Variants in NAALADL2 observed in about 807,000 individuals in gnomAD.
The protein encoded by NAALADL2 is inactive N-acetylated-alpha-linked acidic dipeptidase-like protein 2.
NAALADL2 carries 76 observed loss-of-function variants against 87.2 expected under a neutral mutation model. The ratio of observed to expected loss-of-function variants is 0.87; its 90% CI spans 0.72 to 1.05. The LOEUF (loss-of-function observed/expected upper bound fraction) is 1.05. Ranked by LOEUF, NAALADL2 falls within the 50% of genes least tolerant of loss-of-function variation. The pLI is 0.00. For synonymous variants in NAALADL2, 354 were observed against 331.0 expected, an observed-to-expected ratio of 1.07 and a Z score of -0.75; for missense variants, 1,089 against 945.8, an observed-to-expected ratio of 1.15 and a Z score of -1.99.
intron 3 of NAALADL2, chr3:175,235,521 T>C (rs1745681995): frequency 6.6e-6 from 1 of 152,178 alleles, no homozygotes; most frequent in Non-Finnish European, 1.5e-5. Flanking sequence ...TGTATATTAA[T>C]AAAAATAGAG....
intron 1 of NAALADL2, among the ~76,000 whole-genome samples, chr3:174,964,691 T>C (rs1280705485): frequency 2.6e-5 from 4 of 152,016 alleles, no homozygotes. Context: ...AATTAACTAC[T>C]GGGTTTTACA....
intron 6 of NAALADL2, among the ~76,000 whole-genome samples, chr3:175,454,958 T>C (rs2149246303): frequency 1.3e-5 from 2 of 152,212 alleles, no homozygotes; most frequent in South Asian, 4.1e-4. Context: ...GCACATGGTG[T>C]GGACAGGTAG....
intron 1 of NAALADL2, among the ~76,000 whole-genome samples, chr3:174,910,337 T>A (rs1733539131): frequency 6.6e-6 from 1 of 152,086 alleles, no homozygotes; most frequent in East Asian, 1.9e-4. Context: ...TTAAAATAAC[T>A]GCATCACTTT....
chr3:175,666,498 T>C (rs141463039), intron 11 of NAALADL2, among the ~76,000 whole-genome samples: 2,365 of 152,320 alleles, frequency 0.016, 54 homozygotes, highest in Admixed American at 0.046. Context: ...ATACATGTTT[T>C]ATTTAAAAGT....
chr3:175,558,173 C>G (rs78173160), intron 9 of NAALADL2, among the ~76,000 whole-genome samples: 19,170 of 113,912 alleles, frequency 0.17, 1,384 homozygotes, highest in Middle Eastern at 0.31. Flanking sequence ...CCAACCTGGG[C>G]AACACAGCAA....
chr3:174,899,287 A>G (rs1213649113), intron 1 of NAALADL2, among the ~76,000 whole-genome samples: 1 of 152,198 alleles, frequency 6.6e-6, no homozygotes. Flanking sequence ...AAGAGAAAGG[A>G]TAAGAGATAA....
intron 5 of NAALADL2, among the ~76,000 whole-genome samples, chr3:175,435,246 T>A (rs911935023): frequency 6.6e-6 from 1 of 152,014 alleles, no homozygotes; most frequent in Admixed American, 6.6e-5. Flanking sequence ...AAAATGTCTT[T>A]AAAGAACACG....
At chr3:174,634,973 T>C (rs1333324779) in intron 2 of NAALADL2, among the ~76,000 whole-genome samples, 2 of 152,224 alleles carry the variant, frequency 1.3e-5, no homozygotes, top group Non-Finnish European at 2.9e-5. Context: ...TAAACAGATG[T>C]ACTGTTTTGG....
intron 9 of NAALADL2, among the ~76,000 whole-genome samples, chr3:175,552,809 A>G (rs1714640157): frequency 1.3e-5 from 2 of 152,132 alleles, no homozygotes; most frequent in South Asian, 4.1e-4. Context: ...GTATATACCT[A>G]TGATATGCCA....
intron 1 of NAALADL2, among the ~76,000 whole-genome samples, chr3:174,882,901 GTGTATATATATGTTTGTATATATA>G (rs1267095890): frequency 6.7e-6 from 1 of 149,882 alleles, no homozygotes; most frequent in Admixed American, 6.7e-5. Context: ...GTATATATAT[GTGTATATATATGTTTGTATATATA>G]TGTATATATA....
intron 6 of NAALADL2, among the ~76,000 whole-genome samples, chr3:175,457,412 A>G (rs955589188): frequency 6.6e-6 from 1 of 152,100 alleles, no homozygotes; most frequent in African/African-American, 2.4e-5. Context: ...AGCATTTGAA[A>G]TCATGTAGCA....
intron 1 of NAALADL2, among the ~76,000 whole-genome samples, chr3:174,950,478 A>G (rs78464400): frequency 1.4e-4 from 21 of 152,262 alleles, no homozygotes; most frequent in Admixed American, 6.5e-4. Context: ...ATTTTGTGTC[A>G]TAGCCAAAAA....
At chr3:175,476,728 A>G (rs1725751379) in intron 9 of NAALADL2, among the ~76,000 whole-genome samples, 1 of 152,090 alleles carries the variant, frequency 6.6e-6, no homozygotes, top group Non-Finnish European at 1.5e-5. Flanking sequence ...AGGTACTTAC[A>G]CAGTTACTTC....
At chr3:175,419,906 T>C (rs1011943731) in intron 5 of NAALADL2, among the ~76,000 whole-genome samples, 9 of 151,994 alleles carry the variant, frequency 5.9e-5, no homozygotes, top group Admixed American at 5.9e-4. Context: ...CAAGCAGTTA[T>C]AGTAGAAGGT....
intron 5 of NAALADL2, among the ~76,000 whole-genome samples, chr3:175,378,015 A>T (rs1247194919): frequency 6.6e-6 from 1 of 151,058 alleles, no homozygotes; most frequent in Non-Finnish European, 1.5e-5. Flanking sequence ...AGAGCTTGGG[A>T]TCCATGAGTG....
intron 1 of NAALADL2, among the ~76,000 whole-genome samples, chr3:175,061,845 AG>A: frequency 6.6e-6 from 1 of 151,700 alleles, no homozygotes; most frequent in Non-Finnish European, 1.5e-5. Context: ...AGTTGTACTA[AG>A]GAAAGTCTTG....
At position 175,344,416 on chromosome 3, in the gene NAALADL2, G is replaced by A. The variant is rs533771252; in HGVS notation, c.1090+20091G>A. On this transcript the variant is annotated intron_variant, in intron 5 of 13. Coordinates refer to ENST00000454872, the MANE Select transcript of NAALADL2 (RefSeq NM_207015.3). Reference sequence around the variant, plus strand: ...TCTGGTTTCTACATTTACACAGTGGGATGTCTGCTGATCAAGTATGCCTAG... The same window carrying A: ...TCTGGTTTCTACATTTACACAGTGGAATGTCTGCTGATCAAGTATGCCTAG... 7.9e-5 allele frequency among the ~76,000 whole-genome samples: 12 copies of A among 151,422 alleles called. No homozygotes were observed. In the South Asian group the frequency reaches 1.5e-3, roughly 18 times the overall value.
chr3:174,564,767 A>G (rs866576159), intron 2 of NAALADL2, among the ~76,000 whole-genome samples: 3 of 151,954 alleles, frequency 2.0e-5, no homozygotes, highest in Middle Eastern at 3.2e-3. Context: ...TCTAGTAGCA[A>G]TTTAATTATA....
At chr3:175,263,385 T>C (rs1048461768) in intron 4 of NAALADL2, among the ~76,000 whole-genome samples, 11 of 151,922 alleles carry the variant, frequency 7.2e-5, no homozygotes, top group African/African-American at 2.7e-4. Flanking sequence ...TTCCTGTTTT[T>C]AAAGTATTTT....
Sources: allele counts gnomAD v4.1 joint callset (sites outside exome capture counted in the v4.1 genomes callset), GRCh38; gene constraint gnomAD v4.1.1; transcripts MANE v1.5; gene names NCBI Gene and HGNC (gene_info 2026-07-23, HGNC 2026-07-21).